The following ROBO1 variants were observed in gnomAD, a reference collection of about 807,000 sequenced individuals.
ROBO1 encodes roundabout guidance receptor 1.
ROBO1 carries 149 observed loss-of-function variants against 195.9 expected under a neutral mutation model. That is an observed-to-expected ratio of 0.76 (90% CI 0.67 to 0.87). The LOEUF is 0.87. ROBO1 is among the 40% of genes least tolerant of loss of function. The probability of loss-of-function intolerance (pLI) is 0.00; values close to 1 mark genes in which losing one functional copy is unlikely to be tolerated. For synonymous variants in ROBO1, 816 were observed against 733.2 expected (o/e 1.11, Z -1.82); for missense variants, 1,933 against 2,068.3 (o/e 0.93, Z 1.27).
At chr3:79,457,507 C>T (rs1173080353) in intron 2 of ROBO1, among the ~76,000 whole-genome samples, 1 of 151,906 alleles carries the variant, frequency 6.6e-6, no homozygotes, top group East Asian at 1.9e-4. Context: ...AGAAGACTCA[C>T]CATTGCTTCA....
chr3:78,676,321 A>G (rs2107757616), intron 10 of ROBO1, among the ~76,000 whole-genome samples: 1 of 152,350 alleles, frequency 6.6e-6, no homozygotes, highest in South Asian at 2.1e-4. Context: ...ACAAAGCTGG[A>G]TGGAGAATGA....
intron 2 of ROBO1, among the ~76,000 whole-genome samples, chr3:79,241,608 T>C (rs983072801): frequency 5.3e-5 from 8 of 151,718 alleles, no homozygotes; most frequent in African/African-American, 1.7e-4. Flanking sequence ...GTTTTGCCTA[T>C]AATATTGGGT....
At chr3:78,919,705 CAG>C (rs1313806000) in intron 4 of ROBO1, among the ~76,000 whole-genome samples, 1 of 152,112 alleles carries the variant, frequency 6.6e-6, no homozygotes, top group Non-Finnish European at 1.5e-5. Context: ...CTTTACATCA[CAG>C]AAAAAGTTGA....
chr3:79,099,768 T>C (rs2079641481), intron 3 of ROBO1, among the ~76,000 whole-genome samples: 1 of 151,858 alleles, frequency 6.6e-6, no homozygotes, highest in South Asian at 2.1e-4. Context: ...ATATATTGCC[T>C]TGTTTGTATA....
intron 4 of ROBO1, among the ~76,000 whole-genome samples, chr3:78,799,626 C>A (rs533734168): frequency 6.6e-6 from 1 of 152,212 alleles, no homozygotes; most frequent in African/African-American, 2.4e-5. Context: ...CAGGCGTGAG[C>A]CACCGCGCCC....
intron 4 of ROBO1, among the ~76,000 whole-genome samples, chr3:78,886,411 G>A (rs112761931): frequency 8.7e-4 from 133 of 152,082 alleles, no homozygotes; most frequent in African/African-American, 3.0e-3. Flanking sequence ...CCTGACCAAC[G>A]TGGTGAAACC....
intron 4 of ROBO1, among the ~76,000 whole-genome samples, chr3:78,830,904 G>C (rs934935593): frequency 6.6e-6 from 1 of 150,942 alleles, no homozygotes; most frequent in Admixed American, 6.6e-5. Context: ...TTGTTTGTTT[G>C]TTTGTTTTGT....
chr3:79,145,182 G>A (rs1159912), intron 2 of ROBO1, among the ~76,000 whole-genome samples: 110,910 of 151,730 alleles, frequency 0.73, 40,684 homozygotes, highest in African/African-American at 0.8. Flanking sequence ...AGGTAACTTT[G>A]CATTTACAAG....
intron 11 of ROBO1, among the ~76,000 whole-genome samples, chr3:78,669,788 C>T (rs1005436978): frequency 4.6e-5 from 7 of 152,160 alleles, no homozygotes; most frequent in East Asian, 1.9e-4. Flanking sequence ...AGGACTGCTT[C>T]GTACCACTAC....
At chr3:79,525,123 C>A (rs1941373271) in intron 2 of ROBO1, among the ~76,000 whole-genome samples, 1 of 151,324 alleles carries the variant, frequency 6.6e-6, no homozygotes, top group Non-Finnish European at 1.5e-5. Flanking sequence ...TGAAAAAGAT[C>A]CACATTATCA....
rs192690115 is a variant in ROBO1 at position 79,376,485 on chromosome 3, C to T, written c.88+213339G>A. Among the ~76,000 whole-genome samples, 55 of 152,274 alleles carry T rather than the reference C, an allele frequency of 3.6e-4. No individual in the cohort carries two copies. The Middle Eastern group carries it at 0.017, about 47-fold the overall frequency. On this transcript the variant is annotated intron_variant, in intron 2 of 30. Transcript: ENST00000464233. The stretch of plus-strand genomic sequence containing the variant: ...TCTAAATTGTAGCTATCGCAATTCC[C>T]ATGTGTTGTGGGAGGGACCTGGTGT...
At chr3:79,766,784 G>A (rs929290002) in intron 1 of ROBO1, among the ~76,000 whole-genome samples, 1 of 152,186 alleles carries the variant, frequency 6.6e-6, no homozygotes, top group South Asian at 2.1e-4. Context: ...GAAGGAGCAA[G>A]AAGGGGCCCC....
At chr3:79,556,620 T>C (rs1942709291) in intron 2 of ROBO1, among the ~76,000 whole-genome samples, 1 of 151,980 alleles carries the variant, frequency 6.6e-6, no homozygotes, top group Non-Finnish European at 1.5e-5. Flanking sequence ...AATTATTTTA[T>C]TGTATATATG....
Position 79,043,975 on chromosome 3 carries a change from G to A in ROBO1, c.172+81481C>T, listed in dbSNP as rs905655338. Among the ~76,000 whole-genome samples, 4 of 151,932 alleles carry A rather than the reference G, an allele frequency of 2.6e-5. No individual in the cohort carries two copies. The East Asian group carries it at 5.8e-4, about 22-fold the overall frequency. The stretch of plus-strand genomic sequence containing the variant: ...GCTCTACAAATGTAATTATTATATG[G>A]CTGCATTAAAATTTACCTTGAGATA... On this transcript the variant is annotated intron_variant, in intron 3 of 30. Transcript: ENST00000464233.
intron 4 of ROBO1, among the ~76,000 whole-genome samples, chr3:78,756,199 AAAAAC>A (rs995575359): frequency 3.3e-5 from 5 of 152,150 alleles, no homozygotes; most frequent in Non-Finnish European, 5.9e-5. Flanking sequence ...AAATTATGGT[AAAAAC>A]AAAACAAAAC....
intron 1 of ROBO1, among the ~76,000 whole-genome samples, chr3:79,717,089 T>G (rs1702517562): frequency 1.3e-5 from 2 of 152,066 alleles, no homozygotes; most frequent in East Asian, 1.9e-4. Flanking sequence ...AAGTTATGGA[T>G]TTTGATTCCT....
chr3:79,747,166 C>T (rs373022775), intron 1 of ROBO1, among the ~76,000 whole-genome samples: 2 of 151,960 alleles, frequency 1.3e-5, no homozygotes, highest in African/African-American at 2.4e-5. Context: ...TAGGTTTCAA[C>T]GGCTGATTAG....
intron 2 of ROBO1, among the ~76,000 whole-genome samples, chr3:79,227,681 G>A (rs996050233): frequency 2.8e-4 from 43 of 152,142 alleles, no homozygotes; most frequent in African/African-American, 9.9e-4. Flanking sequence ...AGTGCCAACA[G>A]CTTAGTCTAA....
At chr3:78,767,103 G>A (rs2083248574) in intron 4 of ROBO1, among the ~76,000 whole-genome samples, 1 of 152,154 alleles carries the variant, frequency 6.6e-6, no homozygotes, top group East Asian at 1.9e-4. Flanking sequence ...TCCTTTCCTG[G>A]TTTTGGTATT....
Sources: gnomAD v4.1 joint callset for allele counts (sites outside exome capture counted in the v4.1 genomes callset) on GRCh38, gnomAD v4.1.1 for gene constraint, MANE v1.5 for transcripts, NCBI Gene and HGNC (gene_info 2026-07-23, HGNC 2026-07-21) for gene names.